ARNT2: variants seen among roughly 807,000 people sequenced by gnomAD.
ARNT2 encodes ARNT protein 2.
ARNT2 carries 36 observed loss-of-function variants against 91.7 expected under a neutral mutation model. That is an observed-to-expected ratio of 0.39 (90% CI 0.30 to 0.52). The LOEUF (loss-of-function observed/expected upper bound fraction) is 0.52. Among genes scored for constraint, ARNT2 ranks in the 20% least tolerant of loss-of-function variants. ARNT2 has a pLI of 0.72. For synonymous variants in ARNT2, 365 were observed against 347.1 expected, an observed-to-expected ratio of 1.05 and a Z score of -0.57; for missense variants, 775 against 939.3, an observed-to-expected ratio of 0.83 and a Z score of 2.29.
intron 1 of ARNT2, among the ~76,000 whole-genome samples, chr15:80,419,522 G>T (rs190362849): frequency 6.6e-6 from 1 of 152,320 alleles, no homozygotes; most frequent in Admixed American, 6.5e-5. Context: ...GAGAAGGGAA[G>T]ATAATTAATG....
intron 1 of ARNT2, chr15:80,442,916 T>C (rs543711210): frequency 1.0e-6 from 1 of 985,504 alleles, no homozygotes; most frequent in Non-Finnish European, 1.2e-6. Context: ...TTTGAGGCAG[T>C]GACATCATCT....
At chr15:80,593,140 A>C (rs112751811) in intron 18 of ARNT2, among the ~76,000 whole-genome samples, 35 of 152,326 alleles carry the variant, frequency 2.3e-4, no homozygotes, top group Middle Eastern at 3.4e-3. Context: ...ACTGAAATCT[A>C]ACCATTCAGG....
chr15:80,523,107 C>A (rs1897579838), intron 8 of ARNT2, among the ~76,000 whole-genome samples: 1 of 152,130 alleles, frequency 6.6e-6, no homozygotes, highest in African/African-American at 2.4e-5. Flanking sequence ...TTGTCCCTGG[C>A]ATGGATGCTC....
chr15:80,455,211 G>T (rs1257326251), intron 2 of ARNT2, among the ~76,000 whole-genome samples: 2 of 152,204 alleles, frequency 1.3e-5, no homozygotes, highest in African/African-American at 4.8e-5. Flanking sequence ...CTCCAGGGTT[G>T]CATTGTTTTC....
chr15:80,541,838 T>G (rs960988236), intron 8 of ARNT2, among the ~76,000 whole-genome samples: 1 of 152,210 alleles, frequency 6.6e-6, no homozygotes, highest in Non-Finnish European at 1.5e-5. Context: ...TGTGTGAACT[T>G]AATCCTAAAT....
chr15:80,456,594 A>T (rs933912796), intron 2 of ARNT2, among the ~76,000 whole-genome samples: 2 of 152,258 alleles, frequency 1.3e-5, no homozygotes, highest in South Asian at 4.2e-4. Flanking sequence ...CTCAGTTTGC[A>T]CCTAAACCCC....
intron 12 of ARNT2, among the ~76,000 whole-genome samples, chr15:80,567,556 C>G (rs994612166): frequency 1.4e-4 from 21 of 152,184 alleles, no homozygotes; most frequent in African/African-American, 4.8e-4. Context: ...CAGGAGGTAG[C>G]ACTGCAGTGG....
Position 80,459,363 on chromosome 15 carries a change from T to G in ARNT2, c.194+1387T>G, listed in dbSNP as rs528393900. Among the ~76,000 whole-genome samples the G allele has an allele frequency of 2.6e-4, 39 of 152,276 alleles. 1 individual carries two copies. The South Asian group carries it at 7.9e-3, about 31-fold the overall frequency. Reference sequence around the variant, plus strand: ...ATCCACCCATTTCTTGGGATACACTTTAATAGCAGGGTGTGCTTTCTTGCT... The same window carrying G: ...ATCCACCCATTTCTTGGGATACACTGTAATAGCAGGGTGTGCTTTCTTGCT... On this transcript the variant is annotated intron_variant, in intron 3 of 18. Coordinates refer to ENST00000303329, the MANE Select transcript of ARNT2 (RefSeq NM_014862.4).
At chr15:80,532,046 G>A (rs186740144) in intron 8 of ARNT2, among the ~76,000 whole-genome samples, 37 of 152,296 alleles carry the variant, frequency 2.4e-4, no homozygotes, top group African/African-American at 7.9e-4. Flanking sequence ...GTGAAAACAA[G>A]AACTGGATGT....
chr15:80,433,150 ATG>A (rs1896033508), intron 1 of ARNT2, among the ~76,000 whole-genome samples: 1 of 151,998 alleles, frequency 6.6e-6, no homozygotes, highest in African/African-American at 2.4e-5. Flanking sequence ...GTGGAAGGAT[ATG>A]TGAGTTCCTT....
At chr15:80,405,906 G>C (rs1308051365) in intron 1 of ARNT2, among the ~76,000 whole-genome samples, 3 of 143,020 alleles carry the variant, frequency 2.1e-5, no homozygotes, top group African/African-American at 8.4e-5. Flanking sequence ...GAGAGAGACA[G>C]AGAGAGAGAG....
intron 1 of ARNT2, among the ~76,000 whole-genome samples, chr15:80,447,162 A>ACC (rs1478544817): frequency 2.0e-5 from 3 of 151,426 alleles, no homozygotes; most frequent in South Asian, 2.1e-4. Flanking sequence ...ACACACACAC[A>ACC]CCCTTCCTCT....
chr15:80,432,638 C>A (rs1022566549), intron 1 of ARNT2, among the ~76,000 whole-genome samples: 1 of 152,030 alleles, frequency 6.6e-6, no homozygotes, highest in African/African-American at 2.4e-5. Context: ...AAAAGTTTGC[C>A]AACCTGTGGC....
intron 1 of ARNT2, among the ~76,000 whole-genome samples, chr15:80,412,020 G>C (rs942770410): frequency 6.6e-6 from 1 of 152,238 alleles, no homozygotes; most frequent in Non-Finnish European, 1.5e-5. Flanking sequence ...CTGGCTTTGA[G>C]ATTCAGCCAC....
At chr15:80,585,536 C>T (rs1186897263) in intron 17 of ARNT2, among the ~76,000 whole-genome samples, 1 of 152,180 alleles carries the variant, frequency 6.6e-6, no homozygotes, top group African/African-American at 2.4e-5. Context: ...AGACCCCACC[C>T]CACAAAACCT....
intron 1 of ARNT2, among the ~76,000 whole-genome samples, chr15:80,425,350 T>C (rs1340940040): frequency 6.6e-6 from 1 of 152,194 alleles, no homozygotes; most frequent in East Asian, 1.9e-4. Context: ...GAAAGGATAA[T>C]TTATTTAAAA....
intron 6 of ARNT2, among the ~76,000 whole-genome samples, chr15:80,513,101 T>C (rs1478310965): frequency 6.6e-6 from 1 of 152,090 alleles, no homozygotes; most frequent in African/African-American, 2.4e-5. Context: ...GTATTGAAAA[T>C]TAAGATATTC....
At chr15:80,552,903 C>A in intron 10 of ARNT2, 129 bp downstream of exon 10, 1 of 1,147,284 alleles carries the variant, frequency 8.7e-7, no homozygotes, top group Non-Finnish European at 1.2e-6. Context: ...TATACCCTGC[C>A]TAGATAGAAC....
At chr15:80,567,218 C>T (rs1341285544) in intron 12 of ARNT2, among the ~76,000 whole-genome samples, 1 of 152,180 alleles carries the variant, frequency 6.6e-6, no homozygotes, top group Non-Finnish European at 1.5e-5. Context: ...GATGTGCTCA[C>T]TGACCTGAAG....
Sources: allele counts gnomAD v4.1 joint callset (sites outside exome capture counted in the v4.1 genomes callset), GRCh38; gene constraint gnomAD v4.1.1; transcripts MANE v1.5; gene names NCBI Gene and HGNC (gene_info 2026-07-23, HGNC 2026-07-21).